TENM4: variants seen among roughly 807,000 people sequenced by gnomAD.
The protein encoded by TENM4 is teneurin transmembrane protein 4, also known as teneurin-4.
A neutral mutation model predicts 243.3 loss-of-function variants in TENM4; 82 were observed. The observed-to-expected ratio is 0.34, with a 90% CI of 0.28 to 0.40. TENM4 has a LOEUF of 0.40. Ranked by LOEUF, TENM4 falls within the 10% of genes least tolerant of loss-of-function variation. The pLI, the probability that TENM4 is intolerant of heterozygous loss-of-function variation, is 1.00. For synonymous variants in TENM4, 1,412 were observed against 1,456.3 expected, an observed-to-expected ratio of 0.97 and a Z score of 0.69; for missense variants, 3,138 against 3,673.3, an observed-to-expected ratio of 0.85 and a Z score of 3.77.
At chr11:79,078,572 G>T (rs970582557) in intron 4 of TENM4, among the ~76,000 whole-genome samples, 1 of 152,146 alleles carries the variant, frequency 6.6e-6, no homozygotes, top group African/African-American at 2.4e-5. Context: ...GCAAAGTGAT[G>T]CTCAAGTTCA....
chr11:79,328,845 C>CGGGA (rs1265783645), intron 1 of TENM4, among the ~76,000 whole-genome samples: 2 of 152,086 alleles, frequency 1.3e-5, no homozygotes, highest in Admixed American at 6.5e-5. Context: ...TTCTTCTTCC[C>CGGGA]AGAAGAAGAA....
intron 4 of TENM4, among the ~76,000 whole-genome samples, chr11:79,142,078 G>A (rs749910930): frequency 1.2e-4 from 18 of 152,034 alleles, no homozygotes; most frequent in Non-Finnish European, 2.5e-4. Flanking sequence ...GATGTGGAAC[G>A]TAACAATGAT....
At chr11:79,421,986 C>T (rs1292537569) in intron 1 of TENM4, among the ~76,000 whole-genome samples, 2 of 152,048 alleles carry the variant, frequency 1.3e-5, no homozygotes, top group Non-Finnish European at 2.9e-5. Flanking sequence ...GGGCTCTTAA[C>T]GCACACCCCA....
At chr11:78,911,176 C>A (rs907866404) in intron 6 of TENM4, among the ~76,000 whole-genome samples, 3 of 152,166 alleles carry the variant, frequency 2.0e-5, no homozygotes, top group Non-Finnish European at 4.4e-5. Context: ...AGGGTGTTTT[C>A]TGGTTGTCAC....
At chr11:79,270,860 C>T (rs1210442527) in intron 2 of TENM4, among the ~76,000 whole-genome samples, 1 of 152,128 alleles carries the variant, frequency 6.6e-6, no homozygotes, top group Non-Finnish European at 1.5e-5. Flanking sequence ...TGAATTCAGT[C>T]CTTAGCAGAG....
intron 4 of TENM4, among the ~76,000 whole-genome samples, chr11:79,134,646 G>A (rs186370791): frequency 6.6e-6 from 1 of 152,112 alleles, no homozygotes; most frequent in Non-Finnish European, 1.5e-5. Flanking sequence ...TATAAAAATA[G>A]GCACATAGAC....
rs912343876 is a variant in TENM4 at position 78,995,125 on chromosome 11, A to G, written c.493+69613T>C. 2.3e-4 allele frequency among the ~76,000 whole-genome samples: 35 copies of G among 152,324 alleles called. 1 individual carries two copies. Among genetic ancestry groups the G allele is most frequent in the African/African-American group, 7.9e-4 (33 of 41,566 alleles). On this transcript the variant is annotated intron_variant, in intron 6 of 33. Transcript: ENST00000278550. ...TGATATATGCACTATATTTCCTAGA[A>G]TGAGTAAGAGTTAACCAGGAGTGGA... is the stretch of plus-strand genomic sequence containing the variant.
chr11:78,895,577 T>C (rs1855773466), intron 7 of TENM4, among the ~76,000 whole-genome samples: 1 of 151,986 alleles, frequency 6.6e-6, no homozygotes, highest in East Asian at 1.9e-4. Context: ...TCCCCAAAAC[T>C]CTAGGTGTCT....
rs1368080725 is a variant in TENM4 at position 79,069,893 on chromosome 11, C to T, written c.52G>A (p.Ala18Thr). 5.8e-6 allele frequency: 9 copies of T among 1,548,282 alleles called. No homozygotes were observed. Among genetic ancestry groups the T allele is most frequent in the Non-Finnish European group, 7.8e-6 (9 of 1,146,744 alleles). ...GACGAGCTGGTGTAGCGGCGCTCGG[C>T]GTCGCGGCGCCGGGTCAGCGAGCGG... ...PYRSLTRRRD[A>T]ERRYTSSSAD... Residue 18 changes from alanine to threonine, a missense_variant, in exon 5 of 34, where the codon GCC becomes ACC. Physicochemically the swap from Ala to Thr is moderately conservative, Grantham distance 58. Around this residue, in one of 2 missense-constraint regions of TENM4, gnomAD observed 671 missense variants for 614.1 expected, o/e 1.09. Transcript: ENST00000278550.
At chr11:78,662,447 C>T (rs1858054406) in intron 32 of TENM4, among the ~76,000 whole-genome samples, 1 of 152,190 alleles carries the variant, frequency 6.6e-6, no homozygotes, top group Non-Finnish European at 1.5e-5. Context: ...CCTCAGCCCC[C>T]AGAGTGCTGG....
chr11:79,322,428 T>C (rs1272924227), intron 1 of TENM4, among the ~76,000 whole-genome samples: 1 of 152,226 alleles, frequency 6.6e-6, no homozygotes, highest in Non-Finnish European at 1.5e-5. Flanking sequence ...CTGGCCCTGC[T>C]CCTACCCGTT....
chr11:78,996,828 C>G lies in TENM4; in HGVS notation c.493+67910G>C, dbSNP rs76396817. 2.0e-3 allele frequency among the ~76,000 whole-genome samples: 312 copies of G among 152,250 alleles called. 2 individuals are homozygous for G. Among genetic ancestry groups the G allele is most frequent in the African/African-American group, 7.3e-3 (303 of 41,534 alleles). Reference sequence around the variant, plus strand: ...TTGCAGCTTTGGGATGACCCTGGGGCAGAAGAATGGTGGTCTTGTGGAGGG... The same window carrying G: ...TTGCAGCTTTGGGATGACCCTGGGGGAGAAGAATGGTGGTCTTGTGGAGGG... On this transcript the variant is annotated intron_variant, in intron 6 of 33. Coordinates refer to ENST00000278550, the MANE Select transcript of TENM4 (RefSeq NM_001098816.3).
chr11:78,994,290 C>T (rs999593781), intron 6 of TENM4, among the ~76,000 whole-genome samples: 1 of 152,242 alleles, frequency 6.6e-6, no homozygotes, highest in South Asian at 2.1e-4. Context: ...GTTCTTTGAC[C>T]AGCCACATGA....
At chr11:79,026,448 G>A (rs1219418104) in intron 6 of TENM4, among the ~76,000 whole-genome samples, 3 of 152,174 alleles carry the variant, frequency 2.0e-5, no homozygotes, top group Non-Finnish European at 1.5e-5. Context: ...CATGGACACA[G>A]TGCATAGGAC....
chr11:79,168,956 G>A (rs80040780), intron 3 of TENM4, among the ~76,000 whole-genome samples: 4,507 of 152,202 alleles, frequency 0.03, 245 homozygotes, highest in African/African-American at 0.1. Context: ...CCCCACCCAC[G>A]CCATCTCAGT....
chr11:79,192,304 G>A (rs1022779498), intron 3 of TENM4, among the ~76,000 whole-genome samples: 2 of 152,242 alleles, frequency 1.3e-5, no homozygotes, highest in African/African-American at 4.8e-5. Context: ...TGATGACGAT[G>A]GCGGTTTTCT....
chr11:78,749,358 CTTTTT>C, intron 19 of TENM4: 1 of 144,426 alleles, frequency 6.9e-6, no homozygotes, highest in African/African-American at 2.6e-5. Flanking sequence ...TCTTTCTTTC[CTTTTT>C]TTTTTTTTTT....
intron 1 of TENM4, among the ~76,000 whole-genome samples, chr11:79,337,260 G>C (rs1333208185): frequency 6.6e-6 from 1 of 152,156 alleles, no homozygotes; most frequent in Non-Finnish European, 1.5e-5. Flanking sequence ...CATTGGTCAG[G>C]GCAGACTGGG....
chr11:79,266,025 T>C (rs1025158159), intron 2 of TENM4, among the ~76,000 whole-genome samples: 5 of 152,198 alleles, frequency 3.3e-5, no homozygotes, highest in African/African-American at 9.6e-5. Context: ...ATTTCCCAGG[T>C]GGAGTAAGTA....
Sources: gnomAD v4.1 joint callset for allele counts (sites outside exome capture counted in the v4.1 genomes callset) on GRCh38, gnomAD v4.1.1 for gene constraint, gnomAD v4.1.1 regional missense constraint, MANE v1.5 for transcripts, NCBI Gene and HGNC (gene_info 2026-07-23, HGNC 2026-07-21) for gene names.